Variants in KCP observed in about 807,000 individuals in gnomAD.
The protein encoded by KCP is kielin/chordin-like protein.
In KCP, 194 loss-of-function variants were observed where a neutral mutation model predicts 212.7. The ratio of observed to expected loss-of-function variants is 0.91; its 90% CI spans 0.81 to 1.03. The LOEUF is 1.03. Among genes scored for constraint, KCP ranks in the 50% least tolerant of loss-of-function variants. KCP has a pLI of 0.00. For synonymous variants in KCP, 833 were observed against 865.3 expected, an observed-to-expected ratio of 0.96 and a Z score of 0.65; for missense variants, 2,080 against 2,162.5, an observed-to-expected ratio of 0.96 and a Z score of 0.76.
At chr7:128,907,632 C>T (rs537929848) in intron 2 of KCP, among the ~76,000 whole-genome samples, 179 bp from the exon 3 acceptor site, 1 of 152,352 alleles carries the variant, frequency 6.6e-6, no homozygotes, top group East Asian at 1.9e-4. Flanking sequence ...GGGGCACGGG[C>T]CCCAATCTCT....
rs1793146728 is a variant in KCP at position 128,878,824 on chromosome 7, C to T, written c.4147-102G>A. 3 of 1,206,896 alleles carry T rather than the reference C, an allele frequency of 2.5e-6. No individual in the cohort carries two copies. The South Asian group carries it at 4.7e-5, about 19-fold the overall frequency. 74.8% of individuals were successfully genotyped at this position (1,206,896 alleles called of 1,614,324 possible). ...GGCACTGTGTTCAGTGCGGCCAGTG[C>T]TGTAGGGGAGGAGAATGGACAGGTG... On this transcript the variant is annotated intron_variant, in intron 37 of 39. Transcript: ENST00000610776.
intron 1 of KCP, among the ~76,000 whole-genome samples, chr7:128,910,056 G>A (rs1795348362): frequency 6.6e-6 from 1 of 152,166 alleles, no homozygotes; most frequent in East Asian, 1.9e-4. Flanking sequence ...CAGGATATGG[G>A]AGCCCGGGAG....
chr7:128,894,112 G>GC, intron 9 of KCP, 57 bp from the exon 10 acceptor site: 1 of 1,523,108 alleles, frequency 6.6e-7, no homozygotes, highest in Non-Finnish European at 8.9e-7. Flanking sequence ...CCCTCTCCTG[G>GC]CCTTCATGGG....
chr7:128,903,026 C>T, intron 7 of KCP, 167 bp from the exon 8 acceptor site: 1 of 622,866 alleles, frequency 1.6e-6, no homozygotes, highest in South Asian at 1.9e-5. Flanking sequence ...CCCAGTGCCC[C>T]AGGCAGGGTG....
At chr7:128,879,290 G>A in intron 37 of KCP, 1 of 551,274 alleles carries the variant, frequency 1.8e-6, no homozygotes, top group East Asian at 3.0e-5. Flanking sequence ...GGCTGGTGGT[G>A]GCTTAAGAGG....
chr7:128,877,190 G>T lies in KCP; in HGVS notation c.4740C>A (p.Cys1580Ter), dbSNP rs538963633. The change falls in exon 40 of 40, where the codon TGC becomes TGA. Residue 1580 changes from cysteine to a stop codon, truncating the protein, a stop_gained. Transcript: ENST00000610776. LOFTEE classifies it low-confidence loss of function (END_TRUNC). Reference sequence around the variant, plus strand: ...CTGCAGGGCACTGGCAGCCGGGCACGCAGGGCCTCACGCAGTGGGCTGCCA... The same window carrying T: ...CTGCAGGGCACTGGCAGCCGGGCACTCAGGGCCTCACGCAGTGGGCTGCCA... ...GELAAHCVRP[C>*]VPGCQCPAGL... The T allele has an allele frequency of 9.6e-5, 143 of 1,485,514 alleles. No homozygotes were observed. In the East Asian group the frequency reaches 3.6e-3, roughly 37 times the overall value. The allele number at this position is 1,485,514 out of a possible 1,614,324, so 92.0% of individuals were successfully genotyped here. A position where few individuals can be genotyped will look rare whatever the true frequency, so the allele number is the denominator to read the frequency against.
rs1794936673 is a variant in KCP, at chr7:128,902,917, C to T, written c.749-58G>A. On this transcript the variant is annotated intron_variant, in intron 7 of 39. Transcript: ENST00000610776. ...GGTGGGAGCTGGCCTGGACCCCAGC[C>T]TCAGCCTGCCCGCCTTCCTTGTCCA... 1.2e-5 allele frequency: 16 copies of T among 1,314,948 alleles called. No individual in the cohort carries two copies. In the South Asian group the frequency reaches 1.9e-4, roughly 16 times the overall value. 81.5% of individuals were successfully genotyped at this position (1,314,948 alleles called of 1,614,324 possible). A position where few individuals can be genotyped will look rare whatever the true frequency, so the allele number is the denominator to read the frequency against.
chr7:128,887,117 T>C (rs1793702092), intron 23 of KCP, 98 bp downstream of exon 23: 7 of 1,159,378 alleles, frequency 6.0e-6, no homozygotes, highest in Non-Finnish European at 6.3e-6. Context: ...GGGCAGAGTG[T>C]AGCCCTTGCC....
intron 21 of KCP, 110 bp from the exon 22 acceptor site, chr7:128,889,149 T>G: frequency 3.6e-6 from 2 of 561,342 alleles, no homozygotes; most frequent in Non-Finnish European, 4.7e-6. Flanking sequence ...CTCAAAGATC[T>G]AGCGTGGGGG....
Position 128,884,066 on chromosome 7 carries a change from C to T in KCP, c.3180G>A (p.Leu1060=). 2 of 1,542,172 alleles carry T rather than the reference C, an allele frequency of 1.3e-6. No homozygotes were observed. The highest frequency in any genetic ancestry group is 4.1e-5 in the Admixed American group (2 of 48,602). ...GGAGCTGGCTGGGGGGGCAGCCCAC[C>T]AGGCTGGGACACTGCCGCCGGTGAC... is the stretch of plus-strand genomic sequence containing the variant. The part of the protein sequence containing the change: ...LRCHRRQCPS[L]VGCPPSQLLP... Residue 1060 remains leucine, a synonymous_variant, in exon 29 of 40, where the codon CTG becomes CTA. Coordinates refer to ENST00000610776, the MANE Select transcript of KCP (RefSeq NM_001366122.1).
intron 22 of KCP, among the ~76,000 whole-genome samples, chr7:128,887,992 G>T (rs1301847607): frequency 1.1e-5 from 1 of 88,540 alleles, no homozygotes; most frequent in Non-Finnish European, 2.3e-5. Context: ...CACACACAGA[G>T]ACCCCCCCAC....
chr7:128,898,869 T>C (rs966764381), intron 8 of KCP, among the ~76,000 whole-genome samples: 1 of 152,242 alleles, frequency 6.6e-6, no homozygotes, highest in Non-Finnish European at 1.5e-5. Context: ...GGAATAAAAG[T>C]ACAACAGGTT....
chr7:128,908,247 GAAAGAAGAAAGAAAGA>G lies in KCP; in HGVS notation c.219+163_219+178del, dbSNP rs775214984. 1.9e-3 allele frequency among the ~76,000 whole-genome samples: 169 copies of G among 87,260 alleles called. 4 individuals carry two copies. The East Asian group carries it at 0.094, about 48-fold the overall frequency. 57.2% of individuals were successfully genotyped at this position (87,260 alleles called of 152,430 possible). A position where few individuals can be genotyped will look rare whatever the true frequency, so the allele number is the denominator to read the frequency against. ...GGGAAGGAAAGAAGAAAGGAAGAAA[GAAAGAAGAAAGAAAGA>G]AAGAAAGAAAGAAAGAAAGAAAGAA... On this transcript the variant is annotated intron_variant, in intron 2 of 39. Transcript: ENST00000610776.
rs559193131 is a variant in KCP at position 128,904,087 on chromosome 7, C to T, written c.623G>A (p.Ser208Asn). The change falls in exon 6 of 40, where the codon AGC becomes AAC. Residue 208 changes from serine (S) to asparagine (N), a missense_variant. By Grantham distance (46) the Ser-to-Asn change is conservative. Coordinates refer to ENST00000610776, the MANE Select transcript of KCP (RefSeq NM_001366122.1). ...LYEEGVTFLS[S>N]SNPCLQCTCL... ...GGTGCACTGTAGACAAGGGTTGGAG[C>T]TGGACAGGAAGGTGACCCCCTCCTC... 6.4e-7 allele frequency: 1 copy of T among 1,551,450 alleles called. No homozygotes were observed. Among genetic ancestry groups the T allele is most frequent in the Non-Finnish European group, 8.7e-7 (1 of 1,146,954 alleles).
intron 29 of KCP, among the ~76,000 whole-genome samples, chr7:128,883,553 C>T (rs149779420): frequency 2.0e-5 from 3 of 152,338 alleles, no homozygotes; most frequent in African/African-American, 7.2e-5. Context: ...TGTAAAATGG[C>T]TGTGTTAGGT....
intron 28 of KCP, among the ~76,000 whole-genome samples, chr7:128,884,454 C>A (rs1793520103): frequency 6.6e-6 from 1 of 152,174 alleles, no homozygotes; most frequent in African/African-American, 2.4e-5. Context: ...GCTCCAAGCC[C>A]TTCCATGGCC....
chr7:128,904,628 G>A (rs1034124048), intron 5 of KCP, among the ~76,000 whole-genome samples: 7 of 152,232 alleles, frequency 4.6e-5, no homozygotes, highest in African/African-American at 1.7e-4. Context: ...TGTGGGTGGT[G>A]GCTGATTCCT....
chr7:128,877,823 A>G (rs1793088223), intron 38 of KCP, 33 bp from the exon 39 acceptor site: 1 of 1,517,700 alleles, frequency 6.6e-7, no homozygotes. Flanking sequence ...ACGTGACAGC[A>G]CCACTGGCAG....
intron 8 of KCP, among the ~76,000 whole-genome samples, chr7:128,901,467 A>T (rs1037920993): frequency 6.6e-6 from 1 of 152,240 alleles, no homozygotes; most frequent in Admixed American, 6.5e-5. Context: ...TCTACTAAAA[A>T]TACAAAAAAT....
Sources: allele counts gnomAD v4.1 joint callset (sites outside exome capture counted in the v4.1 genomes callset), GRCh38; gene constraint gnomAD v4.1.1; transcripts MANE v1.5; gene names NCBI Gene and HGNC (gene_info 2026-07-23, HGNC 2026-07-21).